SPTBN1: variants seen among roughly 807,000 people sequenced by gnomAD.
SPTBN1 encodes the protein spectrin beta, non-erythrocytic 1.
In SPTBN1, 32 loss-of-function variants were observed where a neutral mutation model predicts 266.4. The observed-to-expected ratio is 0.12, with a 90% CI of 0.09 to 0.16. The LOEUF (loss-of-function observed/expected upper bound fraction) is 0.16. Among genes scored for constraint, SPTBN1 ranks in the 10% least tolerant of loss-of-function variants. SPTBN1 has a pLI of 1.00. For missense variants in SPTBN1, 2,296 were observed against 3,067.1 expected, an observed-to-expected ratio of 0.75 and a Z score of 5.94; for synonymous variants, 1,336 against 1,162.2, an observed-to-expected ratio of 1.15 and a Z score of -3.04.
chr2:54,459,716 A>G (rs1347978027), intron 1 of SPTBN1, among the ~76,000 whole-genome samples: 2 of 152,146 alleles, frequency 1.3e-5, no homozygotes, highest in African/African-American at 4.8e-5. Flanking sequence ...TCACTACATT[A>G]TTGGAAATGC....
Position 54,645,113 on chromosome 2 carries a change from G to T in SPTBN1, c.4270-116G>T, listed in dbSNP as rs1230000739. ...AAGTCAGTGGCAAAATGTTTGAGTGGCTCCCATGGCTGGCTTTGCGGTGTG... is the reference window on the plus strand; with the variant it reads ...AAGTCAGTGGCAAAATGTTTGAGTGTCTCCCATGGCTGGCTTTGCGGTGTG... On this transcript the variant is annotated intron_variant, in intron 20 of 35. Coordinates refer to ENST00000356805, the MANE Select transcript of SPTBN1 (RefSeq NM_003128.3). This position sits in a 1 kb window ranked among gnomAD's most constrained non-coding sequence, Gnocchi z 4.3. The T allele has an allele frequency of 1.0e-6, 1 of 995,976 alleles. No individual in the cohort carries two copies. The highest frequency in any genetic ancestry group is 3.0e-4 in the Middle Eastern group (1 of 3,378). The allele number at this position is 995,976 out of a possible 1,614,324, so 61.7% of individuals were successfully genotyped here. A position where few individuals can be genotyped will look rare whatever the true frequency, so the allele number is the denominator to read the frequency against.
chr2:54,545,487 T>C (rs1288758399), intron 2 of SPTBN1: 4 of 152,352 alleles, frequency 2.6e-5, no homozygotes, highest in East Asian at 3.9e-4. Flanking sequence ...CACTAAGTGA[T>C]AGATACTAGC....
chr2:54,662,260 T>G, intron 32 of SPTBN1: 1 of 985,476 alleles, frequency 1.0e-6, no homozygotes, highest in South Asian at 4.7e-5. Context: ...GTGCTGTCTG[T>G]TGGCATGCTT....
chr2:54,634,126 C>G (rs1202557663), intron 17 of SPTBN1, among the ~76,000 whole-genome samples: 1 of 152,170 alleles, frequency 6.6e-6, no homozygotes. Flanking sequence ...ATCCTATGTA[C>G]TTCCATGTTA....
At chr2:54,465,663 T>C (rs1398879704) in intron 1 of SPTBN1, among the ~76,000 whole-genome samples, 1 of 132,072 alleles carries the variant, frequency 7.6e-6, no homozygotes, top group Non-Finnish European at 1.6e-5. Flanking sequence ...TATATATATA[T>C]ATATATCTCA....
At chr2:54,625,737 C>T (rs369615410) in intron 11 of SPTBN1, among the ~76,000 whole-genome samples, 195 bp from the exon 12 acceptor site, 1 of 152,034 alleles carries the variant, frequency 6.6e-6, no homozygotes, top group African/African-American at 2.4e-5. Context: ...ATTACAGGCA[C>T]GTGCCACCAC....
intron 2 of SPTBN1, among the ~76,000 whole-genome samples, chr2:54,577,996 C>A (rs57926982): frequency 0.047 from 7,187 of 152,214 alleles, 613 homozygotes; most frequent in African/African-American, 0.16. Context: ...AAAATTCAAG[C>A]CTTGCCTTAT....
chr2:54,505,510 T>C (rs1036303620), intron 1 of SPTBN1, among the ~76,000 whole-genome samples: 15 of 152,148 alleles, frequency 9.9e-5, no homozygotes, highest in African/African-American at 2.9e-4. Context: ...CACTGTGAAG[T>C]TGTTGCTCCC....
intron 3 of SPTBN1, among the ~76,000 whole-genome samples, chr2:54,609,569 T>G (rs1199527688): frequency 1.3e-5 from 2 of 152,174 alleles, no homozygotes; most frequent in Non-Finnish European, 2.9e-5. Flanking sequence ...CAACAAATCT[T>G]TCCATAGAGT....
intron 17 of SPTBN1, among the ~76,000 whole-genome samples, chr2:54,636,806 T>C (rs1369198263): frequency 6.6e-6 from 1 of 152,246 alleles, no homozygotes; most frequent in Non-Finnish European, 1.5e-5. Flanking sequence ...CTGGCTTTCT[T>C]GTTTAGGCAA....
Position 54,621,404 on chromosome 2 carries a change from C to T in SPTBN1, c.768C>T (p.Ile256=). The T allele has an allele frequency of 6.2e-7, 1 of 1,612,532 alleles. No individual in the cohort carries two copies. The highest frequency in any genetic ancestry group is 8.5e-7 in the Non-Finnish European group (1 of 1,178,714). ...GLTKLLDPED[I]SVDHPDEKSI... is the part of the protein sequence containing the mutation. ...AGAGTCTTCTCTGGGTTACAGACAT[C>T]AGCGTGGACCATCCTGATGAGAAGT... The change falls in exon 8 of 36, where the codon ATC becomes ATT. Residue 256 remains isoleucine, a synonymous_variant. Transcript: ENST00000356805.
At chr2:54,660,029 C>CT in intron 32 of SPTBN1, 30 bp downstream of exon 32, 1 of 1,614,216 alleles carries the variant, frequency 6.2e-7, no homozygotes, top group Non-Finnish European at 8.5e-7. Context: ...CCTACCAAAA[C>CT]TACAAAAACT....
At chr2:54,593,313 C>G in intron 2 of SPTBN1, among the ~76,000 whole-genome samples, 1 of 152,258 alleles carries the variant, frequency 6.6e-6, no homozygotes, top group Non-Finnish European at 1.5e-5. Context: ...TATTTTGAGA[C>G]CATTGTTAGG....
chr2:54,645,345 C>T lies in SPTBN1; in HGVS notation c.4386C>T (p.Thr1462=), dbSNP rs149304214. Residue 1462 remains threonine, a synonymous_variant, in exon 21 of 36, where the codon ACC becomes ACT. Coordinates refer to ENST00000356805, the MANE Select transcript of SPTBN1 (RefSeq NM_003128.3). This position sits in a 1 kb window ranked among gnomAD's most constrained non-coding sequence, Gnocchi z 4.3. Reference sequence around the variant, plus strand: ...ACGAGGTAGACAGCAAGCGCCTCACCGTGCAGACCAAGTTCATGGAGTTGC... The same window carrying T: ...ACGAGGTAGACAGCAAGCGCCTCACTGTGCAGACCAAGTTCATGGAGTTGC... The part of the protein sequence containing the change: ...STDEVDSKRL[T]VQTKFMELLE... 1,970 of 1,614,186 alleles carry T rather than the reference C, an allele frequency of 1.2e-3. 4 individuals carry two copies. Among genetic ancestry groups the T allele is most frequent in the Admixed American group, 4.4e-3 (264 of 60,028 alleles).
At chr2:54,499,776 T>A (rs945647454) in intron 1 of SPTBN1, among the ~76,000 whole-genome samples, 3 of 152,222 alleles carry the variant, frequency 2.0e-5, no homozygotes, top group Non-Finnish European at 4.4e-5. Flanking sequence ...GTTATTACTT[T>A]GCTTTCCCCC....
intron 2 of SPTBN1, among the ~76,000 whole-genome samples, chr2:54,552,033 G>C (rs1017697372): frequency 6.6e-6 from 1 of 152,162 alleles, no homozygotes; most frequent in African/African-American, 2.4e-5. Context: ...TTAAAGAGAA[G>C]GGAAGGGAGG....
At chr2:54,608,104 A>C (rs536529929) in intron 3 of SPTBN1, among the ~76,000 whole-genome samples, 1 of 152,212 alleles carries the variant, frequency 6.6e-6, no homozygotes, top group South Asian at 2.1e-4. Flanking sequence ...TTCCCCTGTG[A>C]GGTCCGCTCA....
intron 4 of SPTBN1, among the ~76,000 whole-genome samples, chr2:54,613,987 C>G (rs1677400775): frequency 6.6e-6 from 1 of 152,180 alleles, no homozygotes; most frequent in Non-Finnish European, 1.5e-5. Context: ...CACACACAGC[C>G]CTTTTCAGGA....
At chr2:54,512,210 C>T (rs1206369810) in intron 1 of SPTBN1, among the ~76,000 whole-genome samples, 3 of 152,202 alleles carry the variant, frequency 2.0e-5, no homozygotes, top group African/African-American at 7.2e-5. Context: ...TTGGGGACCC[C>T]TCTAATAGAG....
Sources: gnomAD v4.1 joint callset for allele counts (sites outside exome capture counted in the v4.1 genomes callset) on GRCh38, gnomAD v4.1.1 for gene constraint, Gnocchi (gnomAD v3.1) non-coding constraint, MANE v1.5 for transcripts, NCBI Gene and HGNC (gene_info 2026-07-23, HGNC 2026-07-21) for gene names.